The following DPH6 variants were observed in gnomAD, a reference collection of about 807,000 sequenced individuals.
DPH6 encodes diphthine--ammonia ligase.
A neutral mutation model predicts 38.2 loss-of-function variants in DPH6; 33 were observed. The ratio of observed to expected loss-of-function variants is 0.86; its 90% CI spans 0.65 to 1.15. The LOEUF is 1.15. Among genes scored for constraint, DPH6 ranks in the 50% most tolerant of loss-of-function variants. The pLI is 0.00. For synonymous variants in DPH6, 108 were observed against 103.0 expected, an observed-to-expected ratio of 1.05 and a Z score of -0.30; for missense variants, 325 against 320.0, an observed-to-expected ratio of 1.02 and a Z score of -0.12.
the DPH6 span, among the ~76,000 whole-genome samples, chr15:35,192,162 C>A: frequency 2.0e-5 from 3 of 152,148 alleles, no homozygotes; most frequent in Non-Finnish European, 4.4e-5. Flanking sequence ...CAGGGTTAAA[C>A]ATGATCATGT....
downstream of DPH6, chr15:35,366,042 A>G (rs954393437): frequency 3.8e-5 from 37 of 978,954 alleles, no homozygotes; most frequent in South Asian, 1.9e-4. Flanking sequence ...AATAAAAGTC[A>G]TCATTTATCT....
At chr15:35,490,020 C>G in intron 3 of DPH6, 1 of 985,148 alleles carries the variant, frequency 1.0e-6, no homozygotes, top group Non-Finnish European at 1.2e-6. Flanking sequence ...GAAGAGGCAC[C>G]CAAATGTAAA....
chr15:35,275,922 T>C (rs1181104838), intron 3 of DPH6, among the ~76,000 whole-genome samples: 1 of 152,152 alleles, frequency 6.6e-6, no homozygotes, highest in Non-Finnish European at 1.5e-5. Context: ...TGTACAAGTA[T>C]CTTTTTTGAA....
chr15:35,505,632 A>G (rs1255045793), intron 3 of DPH6, among the ~76,000 whole-genome samples: 2 of 152,048 alleles, frequency 1.3e-5, no homozygotes, highest in African/African-American at 2.4e-5. Context: ...AAGTTCACAC[A>G]TGGGCTGGTC....
At chr15:35,514,681 C>T (rs1388991764) in intron 3 of DPH6, among the ~76,000 whole-genome samples, 1 of 152,054 alleles carries the variant, frequency 6.6e-6, no homozygotes, top group East Asian at 1.9e-4. Context: ...ATTATCTGCC[C>T]TCTATTGGGG....
chr15:35,445,936 A>G (rs1371865386), intron 5 of DPH6, among the ~76,000 whole-genome samples: 3 of 152,178 alleles, frequency 2.0e-5, no homozygotes, highest in Non-Finnish European at 2.9e-5. Flanking sequence ...GTAAAAAGTG[A>G]TCTCTAGTGG....
At chr15:35,358,453 G>A (rs2052586728) in intron 3 of DPH6, among the ~76,000 whole-genome samples, 1 of 152,166 alleles carries the variant, frequency 6.6e-6, no homozygotes, top group Non-Finnish European at 1.5e-5. Flanking sequence ...AGGCATTGAA[G>A]AGCCTTGTTT....
intron 3 of DPH6, among the ~76,000 whole-genome samples, chr15:35,253,380 A>G (rs1274955956): frequency 6.6e-6 from 1 of 152,208 alleles, no homozygotes; most frequent in East Asian, 1.9e-4. Flanking sequence ...TCTGGTGCAC[A>G]GGAACTATAT....
intron 3 of DPH6, among the ~76,000 whole-genome samples, chr15:35,353,680 T>G (rs186143108): frequency 6.6e-6 from 1 of 152,232 alleles, no homozygotes; most frequent in Non-Finnish European, 1.5e-5. Flanking sequence ...TTGGTTACTG[T>G]AGCCTTGTAG....
At chr15:35,455,322 C>G (rs2053982627) in intron 3 of DPH6, among the ~76,000 whole-genome samples, 1 of 152,018 alleles carries the variant, frequency 6.6e-6, no homozygotes, top group South Asian at 2.1e-4. Context: ...GCCTGGATAA[C>G]AGTATAGCAC....
chr15:35,459,359 A>G (rs918684200), intron 3 of DPH6, among the ~76,000 whole-genome samples: 1 of 152,310 alleles, frequency 6.6e-6, no homozygotes, highest in Middle Eastern at 3.4e-3. Context: ...TACTAATTCT[A>G]TCATGAGGGC....
intron 3 of DPH6, among the ~76,000 whole-genome samples, chr15:35,292,115 C>G (rs1015377289): frequency 1.1e-4 from 16 of 152,104 alleles, no homozygotes; most frequent in African/African-American, 3.9e-4. Context: ...ATACAAATAT[C>G]TAAATGTTCA....
At chr15:35,314,099 C>CAAAAAAAAAAAAAAA (rs35052950) in intron 3 of DPH6, among the ~76,000 whole-genome samples, 1 of 116,840 alleles carries the variant, frequency 8.6e-6, no homozygotes, top group Non-Finnish European at 1.9e-5. Flanking sequence ...AACTCAATAG[C>CAAAAAAAAAAAAAAA]AAAAAAAAAA....
rs1204349321 is a variant in DPH6, at chr15:35,536,506, T to C, written c.312+1768A>G. On this transcript the variant is annotated intron_variant, in intron 3 of 8. Transcript: ENST00000256538. ...AAGATAATAATGGCAAAGCATCCAT[T>C]TCTCCAAAGACAGCATGGATGGAAA... Among the ~76,000 whole-genome samples, 5 of 152,138 alleles carry C rather than the reference T, an allele frequency of 3.3e-5. 1 individual carries two copies. In the South Asian group the frequency reaches 8.3e-4, roughly 25 times the overall value.
rs541203273 is a variant in DPH6 at position 35,395,715 on chromosome 15, T to C, written c.568-13799A>G. Among the ~76,000 whole-genome samples the C allele has an allele frequency of 7.4e-4, 113 of 152,316 alleles. 1 individual carries two copies. The highest frequency in any genetic ancestry group is 1.8e-3 in the Admixed American group (27 of 15,290). On this transcript the variant is annotated intron_variant, in intron 6 of 8. Transcript: ENST00000256538. ...TCCATCTTTTAGCTCCCAAGTGCTT[T>C]TATAGTAAGTATCAGTTTGACTTTA...
chr15:35,321,302 A>C (rs372657670), intron 3 of DPH6, among the ~76,000 whole-genome samples: 7 of 152,378 alleles, frequency 4.6e-5, no homozygotes, highest in African/African-American at 1.7e-4. Context: ...TAAGGCTAGA[A>C]GCAAGATGGA....
chr15:35,146,897 T>C, the DPH6 span, among the ~76,000 whole-genome samples: 1 of 152,194 alleles, frequency 6.6e-6, no homozygotes, highest in African/African-American at 2.4e-5. Flanking sequence ...TCAAGGTTAG[T>C]CTATTCATAA....
chr15:35,507,978 G>A (rs1284021643), intron 3 of DPH6, among the ~76,000 whole-genome samples: 1 of 151,986 alleles, frequency 6.6e-6, no homozygotes, highest in African/African-American at 2.4e-5. Context: ...TATACACTCC[G>A]ATTTTGTTAA....
chr15:35,434,637 C>T (rs940050445), intron 5 of DPH6, among the ~76,000 whole-genome samples: 1 of 152,036 alleles, frequency 6.6e-6, no homozygotes, highest in Non-Finnish European at 1.5e-5. Context: ...AAAGAACAGG[C>T]AACAATGTAT....
Sources: gnomAD v4.1 joint callset for allele counts (sites outside exome capture counted in the v4.1 genomes callset) on GRCh38, gnomAD v4.1.1 for gene constraint, MANE v1.5 for transcripts, NCBI Gene and HGNC (gene_info 2026-07-23, HGNC 2026-07-21) for gene names.